TMF1: variants seen among roughly 807,000 people sequenced by gnomAD.
TMF1 encodes the protein TATA element modulatory factor.
Under a neutral mutation model 126.5 loss-of-function variants are expected in TMF1, and 71 were observed. The ratio of observed to expected loss-of-function variants is 0.56; its 90% CI spans 0.46 to 0.68. The LOEUF (loss-of-function observed/expected upper bound fraction) is 0.68, where lower values mean the gene tolerates loss of function less well. Among genes scored for constraint, TMF1 ranks in the 30% least tolerant of loss-of-function variants. The pLI, the probability that TMF1 is intolerant of heterozygous loss-of-function variation, is 0.00. For synonymous variants in TMF1, 461 were observed against 430.5 expected (o/e 1.07, Z -0.88); for missense variants, 1,259 against 1,253.2 (o/e 1.00, Z -0.07).
chr3:69,047,863 T>A lies in TMF1; in HGVS notation c.842A>T (p.Asp281Val). 1 of 1,614,018 alleles carries A rather than the reference T, an allele frequency of 6.2e-7. No homozygotes were observed. Among genetic ancestry groups the A allele is most frequent in the Non-Finnish European group, 8.5e-7 (1 of 1,180,028 alleles). The change falls in exon 2 of 17, where the codon GAT becomes GTT. Residue 281 changes from aspartate (D) to valine (V), a missense_variant. Physicochemically the swap from Asp to Val is radical, Grantham distance 152. Transcript: ENST00000398559. ...CATCAAGTGAAGACTTGATTTTGAA[T>A]CTGTAGTCTCTTGTCTCGAGCTCGC... ...SSASSRQETT[D>V]SKSSLHLMQT...
chr3:69,032,321 CCA>C (rs555276262), intron 10 of TMF1, among the ~76,000 whole-genome samples: 157 of 152,272 alleles, frequency 1.0e-3, no homozygotes, highest in Non-Finnish European at 1.8e-3. Flanking sequence ...GTGACTTGTT[CCA>C]CACTGTTTTG....
chr3:69,027,749 C>A (rs1183090601), intron 13 of TMF1, 151 bp downstream of exon 13: 2 of 444,042 alleles, frequency 4.5e-6, no homozygotes, highest in Non-Finnish European at 4.0e-6. Flanking sequence ...TTGTGTTGGG[C>A]TTCATTCAAA....
rs571727513 is a variant in TMF1 at position 69,031,505 on chromosome 3, C to A, written c.2402-1498G>T. Among the ~76,000 whole-genome samples the A allele has an allele frequency of 2.6e-5, 4 of 152,018 alleles. No homozygotes were observed. In the East Asian group the frequency reaches 7.7e-4, roughly 29 times the overall value. ...TCAGTAGATTGTATCAATGTCAATA[C>A]CATGGTTGTGATATTATACATTAAT... On this transcript the variant is annotated intron_variant, in intron 10 of 16. Transcript: ENST00000398559.
intron 14 of TMF1, 23 bp downstream of exon 14, chr3:69,025,973 A>G (rs1198715069): frequency 6.5e-7 from 1 of 1,545,066 alleles, no homozygotes; most frequent in Admixed American, 1.7e-5. Flanking sequence ...AGAACTAAGC[A>G]CATATAAAAA....
At chr3:69,042,413 T>C in intron 5 of TMF1, 1 of 457,770 alleles carries the variant, frequency 2.2e-6, no homozygotes. Flanking sequence ...AAAAATTCAC[T>C]ATCAAATGTC....
chr3:69,024,337 A>G (rs550627704), intron 15 of TMF1, 157 bp from the exon 16 acceptor site: 2 of 586,830 alleles, frequency 3.4e-6, no homozygotes, highest in African/African-American at 3.9e-5. Context: ...TAAGTAAAGG[A>G]AACAGTGGCA....
At chr3:69,026,120 G>GT in intron 13 of TMF1, 23 bp from the exon 14 acceptor site, 1 of 1,528,236 alleles carries the variant, frequency 6.5e-7, no homozygotes, top group Non-Finnish European at 9.1e-7. Flanking sequence ...AAAAAATTCT[G>GT]TTCATATTAA....
At chr3:69,039,094 G>A in intron 6 of TMF1, 85 bp from the exon 7 acceptor site, 1 of 1,085,622 alleles carries the variant, frequency 9.2e-7, no homozygotes, top group Non-Finnish European at 1.3e-6. Context: ...TATAATAATG[G>A]AGAAAAATAT....
rs752341173 is a variant in TMF1, at chr3:69,023,306, C to A, written c.3153G>T (p.Arg1051Ser). The A allele has an allele frequency of 6.2e-7, 1 of 1,607,530 alleles. No individual in the cohort carries two copies. The highest frequency in any genetic ancestry group is 8.5e-7 in the Non-Finnish European group (1 of 1,177,890). The change falls in exon 17 of 17, where the codon AGG becomes AGT. Residue 1051 changes from arginine (R) to serine (S), a missense_variant. By Grantham distance (110) the Arg-to-Ser change is moderately radical. Coordinates refer to ENST00000398559, the MANE Select transcript of TMF1 (RefSeq NM_007114.3). ...LRTQLRDLDQ[R>S]YNTILQMYGE... ...CATACATCTGCAGAATAGTGTTGTACCTTTGATCCAAATCCTGAAAAATGT... is the reference window on the plus strand; with the variant it reads ...CATACATCTGCAGAATAGTGTTGTAACTTTGATCCAAATCCTGAAAAATGT...
rs771779990 is a variant in TMF1, at chr3:69,047,558, T to C, written c.1147A>G (p.Thr383Ala). The C allele has an allele frequency of 6.2e-7, 1 of 1,614,162 alleles. No homozygotes were observed. The highest frequency in any genetic ancestry group is 2.2e-5 in the East Asian group (1 of 44,886). The change falls in exon 2 of 17, where the codon ACA becomes GCA. Residue 383 changes from threonine to alanine, a missense_variant. By Grantham distance (58) the Thr-to-Ala change is moderately conservative (BLOSUM62 0). Coordinates refer to ENST00000398559, the MANE Select transcript of TMF1 (RefSeq NM_007114.3). The stretch of plus-strand genomic sequence containing the variant: ...GCTTCCTCAGTGGGTATAACTAATG[T>C]TTCATTTACTTCTTCAGATTTTCCT... ...AEGKSEEVNE[T>A]LVIPTEEAEM...
intron 1 of TMF1, 130 bp downstream of exon 1, chr3:69,051,815 G>A (rs910073287): frequency 9.8e-6 from 11 of 1,123,860 alleles, no homozygotes; most frequent in South Asian, 1.7e-5. Flanking sequence ...ATTAGGGAAC[G>A]GGCCGGGGAG....
At chr3:69,027,459 A>C (rs2091775328) in intron 13 of TMF1, among the ~76,000 whole-genome samples, 1 of 152,164 alleles carries the variant, frequency 6.6e-6, no homozygotes, top group Admixed American at 6.5e-5. Flanking sequence ...CAAGTCCTAG[A>C]AATCATAGAT....
chr3:69,050,658 A>G (rs2091922241), intron 1 of TMF1, among the ~76,000 whole-genome samples: 1 of 152,240 alleles, frequency 6.6e-6, no homozygotes, highest in African/African-American at 2.4e-5. Flanking sequence ...CACATATGAA[A>G]AAACAGAGTT....
chr3:69,029,971 C>G lies in TMF1; in HGVS notation c.2438G>C (p.Arg813Thr), dbSNP rs758776241. The G allele has an allele frequency of 5.0e-6, 8 of 1,613,982 alleles. No individual in the cohort carries two copies. Among genetic ancestry groups the G allele is most frequent in the Admixed American group, 3.3e-5 (2 of 60,008 alleles). Residue 813 changes from arginine (R) to threonine (T), a missense_variant, in exon 11 of 17, where the codon AGA (arginine) becomes ACA (threonine). Arg to Thr is a moderately conservative substitution (Grantham distance 71). Coordinates refer to ENST00000398559, the MANE Select transcript of TMF1 (RefSeq NM_007114.3). ...GAGTTCTTCTGTAGCTGCACGTTCT[C>G]TCTCAACTGCTGCTGCCAGCAAGGT... is the stretch of plus-strand genomic sequence containing the variant. ...SQTLLAAAVE[R>T]ERAATEELLA...
At position 69,030,004 on chromosome 3, in the gene TMF1, T is replaced by G; in HGVS notation, c.2405A>C (p.Glu802Ala). The change falls in exon 11 of 17, where the codon GAA becomes GCA. Residue 802 changes from glutamate to alanine, a missense_variant. Transcript: ENST00000398559. ...LEKNLSDRLG[E>A]SQTLLAAAVE... ...TGCTGCTGCCAGCAAGGTCTGGGATTCACCTGATTACAGGACAGAAAAAAA... is the reference window on the plus strand; with the variant it reads ...TGCTGCTGCCAGCAAGGTCTGGGATGCACCTGATTACAGGACAGAAAAAAA... 1 of 1,611,960 alleles carries G rather than the reference T, an allele frequency of 6.2e-7. No homozygotes were observed. Among genetic ancestry groups the G allele is most frequent in the Non-Finnish European group, 8.5e-7 (1 of 1,179,126 alleles).
chr3:69,030,065 C>A, intron 10 of TMF1, 58 bp from the exon 11 acceptor site: 1 of 1,426,730 alleles, frequency 7.0e-7, no homozygotes, highest in South Asian at 1.3e-5. Flanking sequence ...ACCAAAATAC[C>A]AAGTCAATTC....
In TMF1 at chr3:69,038,991, C is replaced by T. The variant is rs1429533674; in HGVS notation, c.1846G>A (p.Glu616Lys). The T allele has an allele frequency of 1.3e-6, 2 of 1,595,692 alleles. No homozygotes were observed. The highest frequency in any genetic ancestry group is 2.7e-5 in the African/African-American group (2 of 73,792). The change falls in exon 7 of 17, where the codon GAG (glutamate) becomes AAG (lysine). Residue 616 changes from glutamate (E) to lysine (K), a missense_variant. By Grantham distance (56) the Glu-to-Lys change is moderately conservative (BLOSUM62 1). Transcript: ENST00000398559. ...HLKQVLDGKE[E>K]VEKQHRENIK... Reference sequence around the variant, plus strand: ...TTTTCTCTATGTTGTTTCTCAACCTCTTCTTTGCCATCAAGGACCTATATG... The same window carrying T: ...TTTTCTCTATGTTGTTTCTCAACCTTTTCTTTGCCATCAAGGACCTATATG...
chr3:69,043,886 A>T lies in TMF1; in HGVS notation c.1452-10T>A. The T allele has an allele frequency of 6.3e-7, 1 of 1,593,102 alleles. No individual in the cohort carries two copies. Among genetic ancestry groups the T allele is most frequent in the South Asian group, 1.1e-5 (1 of 87,162 alleles). On this transcript the variant is annotated splice_polypyrimidine_tract_variant and intron_variant, in intron 3 of 16. Coordinates refer to ENST00000398559, the MANE Select transcript of TMF1 (RefSeq NM_007114.3). ...CACTCTGAACATTTCACTAAATTTA[A>T]AATAATATTTGAGAATGAGGATGGT... is the stretch of plus-strand genomic sequence containing the variant.
intron 6 of TMF1, 140 bp downstream of exon 6, chr3:69,039,411 T>C: frequency 2.0e-6 from 2 of 999,702 alleles, no homozygotes; most frequent in South Asian, 3.8e-5. Context: ...TAAAAAATCT[T>C]ATCATTTATC....
Sources: gnomAD v4.1 joint callset for allele counts (sites outside exome capture counted in the v4.1 genomes callset) on GRCh38, gnomAD v4.1.1 for gene constraint, MANE v1.5 for transcripts, NCBI Gene and HGNC (gene_info 2026-07-23, HGNC 2026-07-21) for gene names.